Variants in C1GALT1 observed in about 807,000 individuals in gnomAD.
C1GALT1 encodes glycoprotein-N-acetylgalactosamine 3-beta-galactosyltransferase 1.
A neutral mutation model predicts 31.0 loss-of-function variants in C1GALT1; 11 were observed. The ratio of observed to expected loss-of-function variants is 0.36; its 90% CI spans 0.22 to 0.59. The LOEUF is 0.59. Among genes scored for constraint, C1GALT1 ranks in the 20% least tolerant of loss-of-function variants. The pLI is 0.79. For missense variants in C1GALT1, 424 were observed against 425.2 expected, an observed-to-expected ratio of 1.00 and a Z score of 0.03; for synonymous variants, 175 against 143.6, an observed-to-expected ratio of 1.22 and a Z score of -1.56.
chr7:7,239,785 GTTAT>G (rs1734397474), intron 3 of C1GALT1, among the ~76,000 whole-genome samples: 1 of 152,108 alleles, frequency 6.6e-6, no homozygotes, highest in Middle Eastern at 3.2e-3. Flanking sequence ...ATTTGTTTCA[GTTAT>G]TTAAAGAAGA....
chr7:7,177,440 G>A (rs537386679), intron 2 of C1GALT1, among the ~76,000 whole-genome samples: 8 of 152,170 alleles, frequency 5.3e-5, no homozygotes, highest in East Asian at 1.9e-4. Flanking sequence ...TCAAATAACC[G>A]GTTATATATA....
At chr7:7,227,894 A>T (rs1410821772) in intron 1 of C1GALT1, among the ~76,000 whole-genome samples, 1 of 152,166 alleles carries the variant, frequency 6.6e-6, no homozygotes, top group East Asian at 1.9e-4. Flanking sequence ...TAGCCTCCGT[A>T]ACTGTAAGAA....
At chr7:7,209,140 T>A (rs1450808717) in intron 1 of C1GALT1, among the ~76,000 whole-genome samples, 1 of 152,248 alleles carries the variant, frequency 6.6e-6, no homozygotes, top group African/African-American at 2.4e-5. Context: ...TTTATGGAAT[T>A]ATAGTTTTCT....
Position 7,234,517 on chromosome 7 carries a change from T to G in C1GALT1, c.198T>G (p.Asn66Lys). The change falls in exon 2 of 4, where the codon AAT (asparagine) becomes AAG (lysine). Residue 66 changes from asparagine to lysine, a missense_variant. Asn to Lys is a moderately conservative substitution (Grantham distance 94). Around this residue, in one of 3 missense-constraint regions of C1GALT1, gnomAD observed 189 missense variants for 158.2 expected, o/e 1.19. Coordinates refer to ENST00000436587, the MANE Select transcript of C1GALT1 (RefSeq NM_020156.5). ...QNHLEGQMNF[N>K]ADSSQHKDEN... ...ATCTAGAAGGACAAATGAACTTCAA[T>G]GCAGATTCTAGCCAACATAAAGGTA... 1 of 1,611,756 alleles carries G rather than the reference T, an allele frequency of 6.2e-7. No individual in the cohort carries two copies. Among genetic ancestry groups the G allele is most frequent in the Non-Finnish European group, 8.5e-7 (1 of 1,177,936 alleles).
chr7:7,174,792 T>C (rs1780487585), intron 2 of C1GALT1, among the ~76,000 whole-genome samples: 1 of 152,078 alleles, frequency 6.6e-6, no homozygotes, highest in East Asian at 1.9e-4. Context: ...GTTTGGTTCC[T>C]TTTCATAACT....
rs1332834861 is a variant in C1GALT1, at chr7:7,208,139, C to T, written c.-18+25319C>T. Among the ~76,000 whole-genome samples the T allele has an allele frequency of 2.6e-5, 4 of 152,096 alleles. No individual in the cohort carries two copies. In the East Asian group the frequency reaches 7.7e-4, roughly 29 times the overall value. The stretch of plus-strand genomic sequence containing the variant: ...CACCCGATAGTCACTTAGCAGCTGT[C>T]TTGATTATTAGGTTGACTCTCGTGG... On this transcript the variant is annotated intron_variant, in intron 1 of 3. Coordinates refer to ENST00000436587, the MANE Select transcript of C1GALT1 (RefSeq NM_020156.5).
At chr7:7,223,036 A>ATTCCC (rs1352257569) in intron 1 of C1GALT1, among the ~76,000 whole-genome samples, 1 of 152,086 alleles carries the variant, frequency 6.6e-6, no homozygotes, top group Non-Finnish European at 1.5e-5. Flanking sequence ...CCCCCTCTCC[A>ATTCCC]TTTCAGTTGG....
chr7:7,160,200 G>A (rs1230105836), intron 2 of C1GALT1, among the ~76,000 whole-genome samples: 3 of 152,042 alleles, frequency 2.0e-5, no homozygotes, highest in Non-Finnish European at 2.9e-5. Flanking sequence ...TGGAACTAGA[G>A]ATCTGTTTCT....
chr7:7,179,676 T>A (rs554329031), upstream of C1GALT1, among the ~76,000 whole-genome samples: 100 of 152,274 alleles, frequency 6.6e-4, 1 homozygote, highest in African/African-American at 2.3e-3. Context: ...AGGGATATAA[T>A]CTTCCTCACC....
chr7:7,200,871 G>C (rs564777709), intron 1 of C1GALT1, among the ~76,000 whole-genome samples: 1 of 152,232 alleles, frequency 6.6e-6, no homozygotes, highest in Admixed American at 6.5e-5. Context: ...ACTTCCCTAC[G>C]CTGTTTATTC....
At chr7:7,213,954 G>C (rs1303846642) in intron 1 of C1GALT1, among the ~76,000 whole-genome samples, 3 of 152,150 alleles carry the variant, frequency 2.0e-5, no homozygotes, top group Non-Finnish European at 1.5e-5. Flanking sequence ...AAGCCAATTG[G>C]CTTATTTTGT....
In C1GALT1 at chr7:7,248,062, T is replaced by C. The variant is rs766974233; in HGVS notation, c.*4335T>C. 1 of 152,086 alleles carries C rather than the reference T, an allele frequency of 6.6e-6. No homozygotes were observed. The allele number at this position is 152,086 out of a possible 1,614,324, so 9.4% of individuals were successfully genotyped here. A position where few individuals can be genotyped will look rare whatever the true frequency, so the allele number is the denominator to read the frequency against. On this transcript the variant is annotated 3_prime_UTR_variant, in exon 4 of 4. Coordinates refer to ENST00000436587, the MANE Select transcript of C1GALT1 (RefSeq NM_020156.5). ...AAACTCATTTTATTTTTCTACTTTA[T>C]AGTAGGCCTGACAGAAACATAGTGA...
At chr7:7,232,617 G>A (rs989903792) in intron 1 of C1GALT1, among the ~76,000 whole-genome samples, 2 of 151,956 alleles carry the variant, frequency 1.3e-5, no homozygotes. Flanking sequence ...AGTCTCCCAG[G>A]TAGCTGGGAT....
chr7:7,218,629 G>A (rs1346230467), intron 1 of C1GALT1, among the ~76,000 whole-genome samples: 2 of 152,126 alleles, frequency 1.3e-5, no homozygotes. Flanking sequence ...TAGCAACTCT[G>A]AGAGGTAAGA....
chr7:7,234,383 T>A lies in C1GALT1; in HGVS notation c.64T>A (p.Leu22Ile). Residue 22 changes from leucine (L) to isoleucine (I), a missense_variant, in exon 2 of 4, where the codon TTA becomes ATA. Coordinates refer to ENST00000436587, the MANE Select transcript of C1GALT1 (RefSeq NM_020156.5). ...FLCGSAIGFLLCSQLFSILLG... is the reference protein window; with the variant it reads ...FLCGSAIGFLICSQLFSILLG... Reference sequence around the variant, plus strand: ...CTGTGGATCAGCAATAGGATTTCTTTTATGTTCTCAGCTATTTAGTATTTT... The same window carrying A: ...CTGTGGATCAGCAATAGGATTTCTTATATGTTCTCAGCTATTTAGTATTTT... 2 of 1,614,036 alleles carry A rather than the reference T, an allele frequency of 1.2e-6. No homozygotes were observed. Among genetic ancestry groups the A allele is most frequent in the East Asian group, 4.5e-5 (2 of 44,832 alleles).
In C1GALT1 at chr7:7,242,582, T is replaced by C. The variant is rs78477462; in HGVS notation, c.889-942T>C. On this transcript the variant is annotated intron_variant, in intron 3 of 3. Coordinates refer to ENST00000436587, the MANE Select transcript of C1GALT1 (RefSeq NM_020156.5). ...CTTTACAAAGATGTCAGATGGAGCCTGAAGTTTTGTTGGAGTCACCTGGAT... is the reference window on the plus strand; with the variant it reads ...CTTTACAAAGATGTCAGATGGAGCCCGAAGTTTTGTTGGAGTCACCTGGAT... Among the ~76,000 whole-genome samples the C allele has an allele frequency of 1.1e-3, 172 of 152,236 alleles. 3 individuals carry two copies. The East Asian group carries it at 0.024, about 22-fold the overall frequency.
chr7:7,239,079 C>T, intron 3 of C1GALT1, 157 bp downstream of exon 3: 1 of 626,200 alleles, frequency 1.6e-6, no homozygotes, highest in East Asian at 2.8e-5. Flanking sequence ...TAGATGAGAA[C>T]AGGGACATCA....
Position 7,246,077 on chromosome 7 carries a change from A to G in C1GALT1, c.*2350A>G, listed in dbSNP as rs73049985. The G allele has an allele frequency of 0.036, 5,443 of 152,310 alleles. 137 individuals carry two copies. Among genetic ancestry groups the G allele is most frequent in the Non-Finnish European group, 0.056 (3,833 of 68,038 alleles). The allele number at this position is 152,310 out of a possible 1,614,324, so 9.4% of individuals were successfully genotyped here. On this transcript the variant is annotated 3_prime_UTR_variant, in exon 4 of 4. Coordinates refer to ENST00000436587, the MANE Select transcript of C1GALT1 (RefSeq NM_020156.5). ...TGAATGAAAAATTTGCTTTGACCAG[A>G]TACTGAAGGAAATAAGTAATAGCTA...
chr7:7,209,556 T>G (rs906356968), intron 1 of C1GALT1: 5 of 152,234 alleles, frequency 3.3e-5, no homozygotes, highest in African/African-American at 1.2e-4. Context: ...TCAAGAATAA[T>G]CTGCTTCCAG....
Sources: allele counts gnomAD v4.1 joint callset (sites outside exome capture counted in the v4.1 genomes callset), GRCh38; gene constraint gnomAD v4.1.1; regional missense constraint gnomAD v4.1.1; transcripts MANE v1.5; gene names NCBI Gene and HGNC (gene_info 2026-07-23, HGNC 2026-07-21).